Variants in MSH3 observed in about 807,000 individuals in gnomAD.
The protein encoded by MSH3 is mutS homolog 3.
A neutral mutation model predicts 123.3 loss-of-function variants in MSH3; 106 were observed. The observed-to-expected ratio is 0.86, with a 90% CI of 0.73 to 1.01. The LOEUF is 1.01. Among genes scored for constraint, MSH3 ranks in the 50% least tolerant of loss-of-function variants. The probability of loss-of-function intolerance (pLI) is 0.00; values close to 1 mark genes in which losing one functional copy is unlikely to be tolerated. For synonymous variants in MSH3, 515 were observed against 481.4 expected, an observed-to-expected ratio of 1.07 and a Z score of -0.91; for missense variants, 1,459 against 1,347.6, an observed-to-expected ratio of 1.08 and a Z score of -1.29.
At chr5:80,676,364 T>C (rs1473488357) in intron 7 of MSH3, among the ~76,000 whole-genome samples, 1 of 152,214 alleles carries the variant, frequency 6.6e-6, no homozygotes, top group East Asian at 1.9e-4. Flanking sequence ...TGGCAGTTTA[T>C]GAATAAATTT....
intron 8 of MSH3, among the ~76,000 whole-genome samples, chr5:80,689,776 A>G (rs2112827226): frequency 6.6e-6 from 1 of 151,156 alleles, no homozygotes; most frequent in African/African-American, 2.4e-5. Flanking sequence ...TGAGGCTCAC[A>G]GCAAAGTTGA....
At chr5:80,665,405 G>A in intron 3 of MSH3, 42 bp downstream of exon 3, 3 of 1,476,284 alleles carry the variant, frequency 2.0e-6, no homozygotes, top group Non-Finnish European at 2.8e-6. Context: ...ACCTAGAATA[G>A]TGGGTTCTGA....
At chr5:80,813,501 T>C (rs1265887965) in intron 19 of MSH3, 83 bp from the exon 20 acceptor site, 3 of 1,383,874 alleles carry the variant, frequency 2.2e-6, no homozygotes, top group Non-Finnish European at 3.1e-6. Context: ...TTTTGCCTAA[T>C]GCATTTCCAC....
chr5:80,657,720 TC>T (rs1749323275), intron 2 of MSH3, among the ~76,000 whole-genome samples: 1 of 152,186 alleles, frequency 6.6e-6, no homozygotes, highest in African/African-American at 2.4e-5. Flanking sequence ...TATTAATCCT[TC>T]CATAAAAGGT....
At chr5:80,746,362 G>T (rs115762029) in intron 12 of MSH3, 2 of 391,618 alleles carry the variant, frequency 5.1e-6, no homozygotes, top group South Asian at 2.0e-5. Context: ...CCGCTGGTTC[G>T]CTTGGCATAC....
intron 20 of MSH3, among the ~76,000 whole-genome samples, chr5:80,820,479 A>C (rs1745187211): frequency 6.6e-6 from 1 of 152,186 alleles, no homozygotes; most frequent in Non-Finnish European, 1.5e-5. Context: ...TGAGACAGAA[A>C]TTGTGCTTGT....
chr5:80,810,753 GTCT>G (rs1407823910), intron 19 of MSH3, among the ~76,000 whole-genome samples: 12 of 151,972 alleles, frequency 7.9e-5, no homozygotes, highest in Non-Finnish European at 1.8e-4. Flanking sequence ...ATTTAATTAG[GTCT>G]TCTTTAATTT....
At chr5:80,696,473 G>C (rs1268989453) in intron 8 of MSH3, among the ~76,000 whole-genome samples, 2 of 152,102 alleles carry the variant, frequency 1.3e-5, no homozygotes, top group Non-Finnish European at 2.9e-5. Context: ...GTTTGTTGAG[G>C]CTTTTTTGTC....
At chr5:80,753,913 G>T (rs888011104) in intron 12 of MSH3, among the ~76,000 whole-genome samples, 1 of 152,142 alleles carries the variant, frequency 6.6e-6, no homozygotes, top group African/African-American at 2.4e-5. Flanking sequence ...ATACCCTTCT[G>T]CCTAAATCTG....
At chr5:80,837,285 A>C (rs970409809) in intron 20 of MSH3, among the ~76,000 whole-genome samples, 1 of 152,124 alleles carries the variant, frequency 6.6e-6, no homozygotes. Flanking sequence ...TTGCAAGAAT[A>C]CTAGGGACAG....
chr5:80,839,395 T>C (rs1196597985), intron 20 of MSH3, among the ~76,000 whole-genome samples: 2 of 152,148 alleles, frequency 1.3e-5, no homozygotes, highest in Non-Finnish European at 2.9e-5. Flanking sequence ...TTGCTACTTA[T>C]ATGTGTATGT....
At chr5:80,786,448 G>C (rs1744510616) in intron 17 of MSH3, among the ~76,000 whole-genome samples, 1 of 152,068 alleles carries the variant, frequency 6.6e-6, no homozygotes, top group Non-Finnish European at 1.5e-5. Flanking sequence ...TTTCCTTTCA[G>C]CTTTCCTTTT....
intron 16 of MSH3, among the ~76,000 whole-genome samples, chr5:80,776,273 T>C (rs1744297396): frequency 6.6e-6 from 1 of 152,232 alleles, no homozygotes; most frequent in African/African-American, 2.4e-5. Context: ...AAAAGGTATC[T>C]TATTTTTACA....
intron 20 of MSH3, among the ~76,000 whole-genome samples, chr5:80,821,601 T>C (rs1220932599): frequency 6.6e-6 from 1 of 152,224 alleles, no homozygotes; most frequent in Non-Finnish European, 1.5e-5. Flanking sequence ...TACTGAAATA[T>C]GGGACATTTT....
At chr5:80,725,069 C>T (rs1743254682) in intron 8 of MSH3, among the ~76,000 whole-genome samples, 1 of 151,812 alleles carries the variant, frequency 6.6e-6, no homozygotes, top group Non-Finnish European at 1.5e-5. Flanking sequence ...AAAAAATTAG[C>T]TGGGCGTGAT....
chr5:80,689,621 A>T (rs1325837451), intron 8 of MSH3, among the ~76,000 whole-genome samples: 1 of 152,078 alleles, frequency 6.6e-6, no homozygotes, highest in African/African-American at 2.4e-5. Flanking sequence ...AATATAAATG[A>T]ATGATTGTTT....
At chr5:80,765,097 C>A (rs956373070) in intron 13 of MSH3, among the ~76,000 whole-genome samples, 3 of 152,142 alleles carry the variant, frequency 2.0e-5, no homozygotes, top group African/African-American at 7.2e-5. Context: ...CTTTTGAGTT[C>A]TTTTGCTTAA....
At chr5:80,824,268 G>A (rs1001022346) in intron 20 of MSH3, among the ~76,000 whole-genome samples, 87 of 152,102 alleles carry the variant, frequency 5.7e-4, no homozygotes, top group African/African-American at 1.8e-3. Context: ...CCAGAGGGGC[G>A]GCCGGGCAGA....
rs1201074327 is a variant in MSH3 at position 80,778,676 on chromosome 5, T to C, written c.2319-44T>C. 2.6e-6 allele frequency: 3 copies of C among 1,162,198 alleles called. No individual in the cohort carries two copies. In the Admixed American group the frequency reaches 5.0e-5, roughly 20 times the overall value. The allele number at this position is 1,162,198 out of a possible 1,614,324, so 72.0% of individuals were successfully genotyped here. On this transcript the variant is annotated intron_variant, in intron 16 of 23. Coordinates refer to ENST00000265081, the MANE Select transcript of MSH3 (RefSeq NM_002439.5). ...CTAAAGTGATGGCATTTCGGATTTT[T>C]TACTAACCTTGATTTCCTATTTGTG...
Sources: gnomAD v4.1 joint callset for allele counts (sites outside exome capture counted in the v4.1 genomes callset) on GRCh38, gnomAD v4.1.1 for gene constraint, MANE v1.5 for transcripts, NCBI Gene and HGNC (gene_info 2026-07-23, HGNC 2026-07-21) for gene names.